The following LRPPRC variants were observed in gnomAD, a reference collection of about 807,000 sequenced individuals.
LRPPRC encodes the protein leucine-rich PPR motif-containing protein, mitochondrial.
LRPPRC carries 120 observed loss-of-function variants against 180.3 expected under a neutral mutation model. That is an observed-to-expected ratio of 0.67 (90% CI 0.57 to 0.77). The LOEUF is 0.77. Among genes scored for constraint, LRPPRC ranks in the 30% least tolerant of loss-of-function variants. The pLI, the probability that LRPPRC is intolerant of heterozygous loss-of-function variation, is 0.00. For missense variants in LRPPRC, 2,012 were observed against 1,657.2 expected (o/e 1.21, Z -3.72); for synonymous variants, 723 against 600.0 (o/e 1.21, Z -3.00).
chr2:43,993,868 G>A (rs1674898600), intron 1 of LRPPRC, among the ~76,000 whole-genome samples: 1 of 152,146 alleles, frequency 6.6e-6, no homozygotes, highest in Non-Finnish European at 1.5e-5. Flanking sequence ...AGACATTTGA[G>A]ATCTGAATGA....
At chr2:43,891,133 A>T (rs988079582) in intron 36 of LRPPRC, among the ~76,000 whole-genome samples, 8 of 152,134 alleles carry the variant, frequency 5.3e-5, no homozygotes, top group Admixed American at 5.2e-4. Flanking sequence ...TTCTTGTGTA[A>T]ATCCTTTATT....
rs776758914 is a variant in LRPPRC, at chr2:43,957,349, T to C, written c.1649+36A>G. Reference sequence around the variant, plus strand: ...CAAAAGGACAGGAGAAATCAGTCCATGTTCAGGCAAGGAACATTTAAGTTG... The same window carrying C: ...CAAAAGGACAGGAGAAATCAGTCCACGTTCAGGCAAGGAACATTTAAGTTG... On this transcript the variant is annotated intron_variant, in intron 14 of 37. Coordinates refer to ENST00000260665, the MANE Select transcript of LRPPRC (RefSeq NM_133259.4). The C allele has an allele frequency of 5.6e-6, 8 of 1,440,908 alleles. No individual in the cohort carries two copies. The African/African-American group carries it at 5.6e-5, about 10-fold the overall frequency. 89.3% of individuals were successfully genotyped at this position (1,440,908 alleles called of 1,614,324 possible).
chr2:43,972,900 T>C (rs1189169537), intron 11 of LRPPRC, among the ~76,000 whole-genome samples: 3 of 152,330 alleles, frequency 2.0e-5, no homozygotes, highest in Middle Eastern at 3.4e-3. Flanking sequence ...AAGGGGAAAG[T>C]ACTTCTGTTA....
chr2:43,898,071 T>TAAA (rs61550367), intron 34 of LRPPRC, among the ~76,000 whole-genome samples: 1,651 of 115,908 alleles, frequency 0.014, 25 homozygotes, highest in East Asian at 0.036. Flanking sequence ...TCCTTAAAAT[T>TAAA]AAAAAAAAAA....
intron 12 of LRPPRC, among the ~76,000 whole-genome samples, chr2:43,962,987 G>A (rs556546681): frequency 1.3e-5 from 2 of 151,924 alleles, no homozygotes; most frequent in African/African-American, 2.4e-5. Flanking sequence ...AAATTGCAGG[G>A]GCATTTCAGG....
chr2:43,955,963 T>A (rs1163618104), intron 14 of LRPPRC, among the ~76,000 whole-genome samples: 1 of 151,944 alleles, frequency 6.6e-6, no homozygotes, highest in Non-Finnish European at 1.5e-5. Context: ...GGTGGTGGCA[T>A]CATTATTGCA....
chr2:43,893,278 G>C (rs1670560396), intron 36 of LRPPRC, among the ~76,000 whole-genome samples: 1 of 152,216 alleles, frequency 6.6e-6, no homozygotes, highest in South Asian at 2.1e-4. Flanking sequence ...TAATAAAGCA[G>C]TGGTATGGTT....
chr2:43,960,817 T>C (rs186728262), intron 12 of LRPPRC, among the ~76,000 whole-genome samples, 183 bp from the exon 13 acceptor site: 1 of 152,332 alleles, frequency 6.6e-6, no homozygotes, highest in Admixed American at 6.5e-5. Flanking sequence ...CTAAGTTAAA[T>C]GCTTATCTTC....
chr2:43,894,484 T>C (rs1039706763), intron 36 of LRPPRC, 61 bp downstream of exon 36: 11 of 836,384 alleles, frequency 1.3e-5, no homozygotes, highest in East Asian at 7.7e-5. Flanking sequence ...TTACATGATA[T>C]AGTCACTTAA....
intron 1 of LRPPRC, among the ~76,000 whole-genome samples, chr2:43,984,044 G>A (rs994916402): frequency 6.6e-6 from 1 of 151,948 alleles, no homozygotes; most frequent in Non-Finnish European, 1.5e-5. Flanking sequence ...CAAACGAGCT[G>A]AATTAAGCTA....
rs1418201115 is a variant in LRPPRC at position 43,887,123 on chromosome 2, G to A, written c.*1477C>T. Reference sequence around the variant, plus strand: ...ATTGCGCCACTGCACTCTGGCTTAAGCAACAGAGCAAGACTATCTCAAAAA... The same window carrying A: ...ATTGCGCCACTGCACTCTGGCTTAAACAACAGAGCAAGACTATCTCAAAAA... On this transcript the variant is annotated 3_prime_UTR_variant, in exon 38 of 38. Transcript: ENST00000260665. 5.6e-5 allele frequency: 6 copies of A among 106,414 alleles called. No individual in the cohort carries two copies. The highest frequency in any genetic ancestry group is 1.1e-4 in the Non-Finnish European group (6 of 54,320). 6.6% of individuals were successfully genotyped at this position (106,414 alleles called of 1,614,324 possible).
chr2:43,890,995 C>T (rs573704413), intron 36 of LRPPRC, among the ~76,000 whole-genome samples: 4 of 152,196 alleles, frequency 2.6e-5, no homozygotes, highest in Non-Finnish European at 4.4e-5. Flanking sequence ...ACTCCGGCAG[C>T]ACCAGGGGAA....
At chr2:43,979,246 G>C (rs900220648) in intron 3 of LRPPRC, among the ~76,000 whole-genome samples, 9 of 152,078 alleles carry the variant, frequency 5.9e-5, no homozygotes, top group African/African-American at 2.2e-4. Flanking sequence ...ACATGCACGT[G>C]TAAAAACACT....
At chr2:43,924,701 T>C (rs1671814500) in intron 27 of LRPPRC, among the ~76,000 whole-genome samples, 1 of 152,206 alleles carries the variant, frequency 6.6e-6, no homozygotes, top group South Asian at 2.1e-4. Context: ...AATCTCTACT[T>C]ACATGAATGT....
intron 11 of LRPPRC, among the ~76,000 whole-genome samples, chr2:43,964,006 A>G (rs1673459086): frequency 6.6e-6 from 1 of 152,234 alleles, no homozygotes; most frequent in Admixed American, 6.5e-5. Flanking sequence ...CCAAACAGTG[A>G]TTATAATACA....
At chr2:43,910,787 A>G (rs1023736490) in intron 30 of LRPPRC, among the ~76,000 whole-genome samples, 4 of 152,178 alleles carry the variant, frequency 2.6e-5, no homozygotes, top group African/African-American at 9.7e-5. Context: ...AGTAAGTATC[A>G]CTGTTCTAGA....
chr2:43,973,808 G>C lies in LRPPRC; in HGVS notation c.1248C>G (p.Leu416=), dbSNP rs1263285909. The C allele has an allele frequency of 3.7e-6, 6 of 1,613,128 alleles. No individual in the cohort carries two copies. Among genetic ancestry groups the C allele is most frequent in the African/African-American group, 2.7e-5 (2 of 75,018 alleles). Reference sequence around the variant, plus strand: ...AGAATGTAGTACCAGTTTTATTGGCGAGTAAAGCACAATGGAGGGTGAACT... The same window carrying C: ...AGAATGTAGTACCAGTTTTATTGGCCAGTAAAGCACAATGGAGGGTGAACT... ...PLQFTLHCAL[L]ANKTDLAKAL... is the part of the protein sequence containing the mutation. The change falls in exon 10 of 38, where the codon CTC becomes CTG. Residue 416 remains leucine, a synonymous_variant. Coordinates refer to ENST00000260665, the MANE Select transcript of LRPPRC (RefSeq NM_133259.4).
At chr2:43,968,299 C>T (rs1163084726) in intron 11 of LRPPRC, among the ~76,000 whole-genome samples, 2 of 152,156 alleles carry the variant, frequency 1.3e-5, no homozygotes, top group Non-Finnish European at 2.9e-5. Flanking sequence ...TTCTAACTAC[C>T]ATCCATGGAC....
At chr2:43,889,698 A>T in intron 37 of LRPPRC, 36 bp downstream of exon 37, 2 of 1,507,152 alleles carry the variant, frequency 1.3e-6, no homozygotes, top group Non-Finnish European at 1.8e-6. Flanking sequence ...ATAAATCTGC[A>T]GAGGTATTTT....
Sources: allele counts gnomAD v4.1 joint callset (sites outside exome capture counted in the v4.1 genomes callset), GRCh38; gene constraint gnomAD v4.1.1; transcripts MANE v1.5; gene names NCBI Gene and HGNC (gene_info 2026-07-23, HGNC 2026-07-21).